MDM2: variants seen among roughly 807,000 people sequenced by gnomAD.
MDM2 encodes the protein E3 ubiquitin-protein ligase Mdm2.
In MDM2, 11 loss-of-function variants were observed where a neutral mutation model predicts 64.3. That is an observed-to-expected ratio of 0.17 (90% CI 0.11 to 0.28). The LOEUF is 0.28. Among genes scored for constraint, MDM2 ranks in the 10% least tolerant of loss-of-function variants. MDM2 has a pLI of 1.00. For missense variants in MDM2, 388 were observed against 577.1 expected (o/e 0.67, Z 3.36); for synonymous variants, 194 against 192.9 (o/e 1.01, Z -0.05).
At chr12:68,820,405 A>G (rs1404369787) in intron 5 of MDM2, 31 bp downstream of exon 5, 2 of 1,544,096 alleles carry the variant, frequency 1.3e-6, no homozygotes, top group Admixed American at 3.7e-5. Flanking sequence ...ATGGATAAAT[A>G]CCATAAAAAC....
chr12:68,826,205 G>T (rs144617645), intron 7 of MDM2, among the ~76,000 whole-genome samples: 1 of 152,100 alleles, frequency 6.6e-6, no homozygotes, highest in African/African-American at 2.4e-5. Flanking sequence ...TGCCAAAAGG[G>T]TGTCCTTTTG....
intron 8 of MDM2, among the ~76,000 whole-genome samples, chr12:68,829,190 T>C (rs1882595434): frequency 6.6e-6 from 1 of 152,200 alleles, no homozygotes; most frequent in Admixed American, 6.6e-5. Context: ...AATGTCACTG[T>C]ATGTATTAGA....
rs1883807130 is a variant in MDM2 at position 68,841,990 on chromosome 12, T to C, written c.*2141T>C. The C allele has an allele frequency of 2.5e-6, 1 of 392,422 alleles. No homozygotes were observed. Among genetic ancestry groups the C allele is most frequent in the Admixed American group, 3.7e-5 (1 of 27,270 alleles). The allele number at this position is 392,422 out of a possible 1,614,324, so 24.3% of individuals were successfully genotyped here. ...ACATCATGATGTTCATCTGCAGCTG[T>C]TGCAAGGTGTTCAGATTGTATAAAC... On this transcript the variant is annotated 3_prime_UTR_variant, in exon 11 of 11. Coordinates refer to ENST00000258149, the MANE Select transcript of MDM2 (RefSeq NM_002392.6).
chr12:68,829,134 A>T (rs1882590704), intron 8 of MDM2, among the ~76,000 whole-genome samples: 1 of 152,242 alleles, frequency 6.6e-6, no homozygotes. Flanking sequence ...AAAATAGTGG[A>T]GTAACACCGG....
Position 68,841,282 on chromosome 12 carries a change from A to T in MDM2, c.*1433A>T. On this transcript the variant is annotated 3_prime_UTR_variant, in exon 11 of 11. Coordinates refer to ENST00000258149, the MANE Select transcript of MDM2 (RefSeq NM_002392.6). ...TTAGGTTTTCTTGATTTAACAATAG[A>T]GACAGGGTCTCCCTGTGTTGCCCAG... 4.9e-6 allele frequency: 1 copy of T among 202,288 alleles called. No homozygotes were observed. The highest frequency in any genetic ancestry group is 1.0e-5 in the Non-Finnish European group (1 of 98,546). 12.5% of individuals were successfully genotyped at this position (202,288 alleles called of 1,614,324 possible).
At chr12:68,839,179 A>G in intron 10 of MDM2, 95 bp from the exon 11 acceptor site, 3 of 1,100,228 alleles carry the variant, frequency 2.7e-6, no homozygotes, top group East Asian at 4.8e-5. Flanking sequence ...GCCCTATGAT[A>G]TACTTTACCT....
downstream of MDM2, chr12:68,846,842 C>G (rs1467971029): frequency 1.3e-5 from 2 of 151,990 alleles, no homozygotes; most frequent in Non-Finnish European, 2.9e-5. Flanking sequence ...GACAATAAAT[C>G]TATAGAGCCT....
Position 68,824,327 on chromosome 12 carries a change from A to G in MDM2, c.359-36A>G, listed in dbSNP as rs764630209. 3 of 1,295,852 alleles carry G rather than the reference A, an allele frequency of 2.3e-6. No individual in the cohort carries two copies. The African/African-American group carries it at 4.4e-5, about 19-fold the overall frequency. The allele number at this position is 1,295,852 out of a possible 1,614,324, so 80.3% of individuals were successfully genotyped here. A position where few individuals can be genotyped will look rare whatever the true frequency, so the allele number is the denominator to read the frequency against. ...AGTAGCGCCCCGCCGCCCCCCGCCC[A>G]CCACCAAGTTTCTGATCCTTTTTCT... On this transcript the variant is annotated intron_variant, in intron 5 of 10. Transcript: ENST00000258149.
downstream of MDM2, chr12:68,848,106 A>G (rs1884455299): frequency 6.6e-6 from 1 of 152,220 alleles, no homozygotes; most frequent in African/African-American, 2.4e-5. Context: ...TCTGCTTAGG[A>G]GACAGATGGA....
At chr12:68,837,154 A>G (rs932097837) in intron 10 of MDM2, among the ~76,000 whole-genome samples, 1 of 151,740 alleles carries the variant, frequency 6.6e-6, no homozygotes, top group African/African-American at 2.4e-5. Context: ...GGGTTTCACC[A>G]TGTTGGCCAG....
chr12:68,843,421 T>G lies in MDM2; in HGVS notation c.*3572T>G. ...TGATTTGATCAATACCCATTGTATG[T>G]GAAACAGTACATACACCATATTTAC... On this transcript the variant is annotated 3_prime_UTR_variant, in exon 11 of 11. Coordinates refer to ENST00000258149, the MANE Select transcript of MDM2 (RefSeq NM_002392.6). The G allele has an allele frequency of 4.3e-6, 1 of 230,298 alleles. No homozygotes were observed. The highest frequency in any genetic ancestry group is 8.6e-6 in the Non-Finnish European group (1 of 116,324). The allele number at this position is 230,298 out of a possible 1,614,324, so 14.3% of individuals were successfully genotyped here. A position where few individuals can be genotyped will look rare whatever the true frequency, so the allele number is the denominator to read the frequency against.
chr12:68,822,397 A>C (rs555619516), intron 5 of MDM2, among the ~76,000 whole-genome samples: 1 of 141,738 alleles, frequency 7.1e-6, no homozygotes, highest in African/African-American at 2.8e-5. Flanking sequence ...TTTAGATTGT[A>C]TCCTTTTTAT....
chr12:68,834,381 G>T (rs564636477), intron 8 of MDM2, among the ~76,000 whole-genome samples: 1 of 152,126 alleles, frequency 6.6e-6, no homozygotes, highest in East Asian at 1.9e-4. Flanking sequence ...GGCGGAGGTT[G>T]CAGTGAGCTG....
At chr12:68,810,556 G>A (rs1220338941) in intron 2 of MDM2, among the ~76,000 whole-genome samples, 1 of 151,722 alleles carries the variant, frequency 6.6e-6, no homozygotes, top group Non-Finnish European at 1.5e-5. Flanking sequence ...CCGTTCCCCG[G>A]GTTCACGCCA....
At chr12:68,832,584 T>C (rs1882883855) in intron 8 of MDM2, among the ~76,000 whole-genome samples, 1 of 152,128 alleles carries the variant, frequency 6.6e-6, no homozygotes, top group Non-Finnish European at 1.5e-5. Context: ...TGATCATGGC[T>C]TACTGCAACC....
At chr12:68,820,996 C>A (rs768793674) in intron 5 of MDM2, among the ~76,000 whole-genome samples, 1 of 149,806 alleles carries the variant, frequency 6.7e-6, no homozygotes, top group African/African-American at 2.5e-5. Flanking sequence ...ATAATACTCT[C>A]ATTTGAAGGC....
intron 7 of MDM2, chr12:68,828,564 ACC>A (rs1592588863): frequency 2.4e-5 from 11 of 453,980 alleles, no homozygotes; most frequent in East Asian, 2.0e-4. Context: ...ACAGAGCAAG[ACC>A]CTTTCTCAGA....
intron 10 of MDM2, among the ~76,000 whole-genome samples, chr12:68,837,515 A>G (rs1360696706): frequency 6.6e-6 from 1 of 151,782 alleles, no homozygotes; most frequent in South Asian, 2.1e-4. Flanking sequence ...GCATGCCATC[A>G]CACCCCAGCT....
chr12:68,828,688 G>C (rs1336930227), intron 7 of MDM2, 83 bp from the exon 8 acceptor site: 1 of 1,227,514 alleles, frequency 8.1e-7, no homozygotes, highest in Non-Finnish European at 1.1e-6. Flanking sequence ...TTGAAACTAA[G>C]TTTCTGTACA....
Sources: allele counts gnomAD v4.1 joint callset (sites outside exome capture counted in the v4.1 genomes callset), GRCh38; gene constraint gnomAD v4.1.1; transcripts MANE v1.5; gene names NCBI Gene and HGNC (gene_info 2026-07-23, HGNC 2026-07-21).